MCM3AP: variants seen among roughly 807,000 people sequenced by gnomAD.
MCM3AP encodes minichromosome maintenance complex component 3 associated protein.
Under a neutral mutation model 184.1 loss-of-function variants are expected in MCM3AP, and 126 were observed. That is an observed-to-expected ratio of 0.68 (90% confidence interval 0.59 to 0.79). MCM3AP has a LOEUF of 0.79. Ranked by LOEUF, MCM3AP falls within the 30% of genes least tolerant of loss-of-function variation. The pLI, the probability that MCM3AP is intolerant of heterozygous loss-of-function variation, is 0.00. For missense variants in MCM3AP, 2,496 were observed against 2,479.2 expected, an observed-to-expected ratio of 1.01 and a Z score of -0.14; for synonymous variants, 1,002 against 979.3, an observed-to-expected ratio of 1.02 and a Z score of -0.43.
intron 25 of MCM3AP, chr21:46,241,886 G>T (rs1302454070): frequency 6.6e-6 from 1 of 152,190 alleles, no homozygotes; most frequent in Non-Finnish European, 1.5e-5. Flanking sequence ...TTATGAAGAT[G>T]AACAGTTTTT....
At chr21:46,243,744 A>G (rs747908665) in intron 23 of MCM3AP, 22 bp from the exon 24 acceptor site, 1 of 1,611,208 alleles carries the variant, frequency 6.2e-7, no homozygotes, top group Non-Finnish European at 8.5e-7. Context: ...GTGCCTCATT[A>G]GTTACAGGTT....
chr21:46,260,209 G>A (rs890462137), intron 15 of MCM3AP, among the ~76,000 whole-genome samples: 1 of 152,210 alleles, frequency 6.6e-6, no homozygotes, highest in African/African-American at 2.4e-5. Context: ...GGAACAGGGT[G>A]CCAAATTATA....
rs1376693902 is a variant in MCM3AP, at chr21:46,266,007, G to A, written c.2949C>T (p.Phe983=). ...PVPRHTPVCS[F]NSQNKYIGES... is the part of the protein sequence containing the mutation. Reference sequence around the variant, plus strand: ...CCCCGATGTACTTGTTCTGGGAGTTGAAGCTGCACACAGGGGTATGACGAG... The same window carrying A: ...CCCCGATGTACTTGTTCTGGGAGTTAAAGCTGCACACAGGGGTATGACGAG... The change falls in exon 11 of 28, where the codon TTC becomes TTT. Residue 983 remains phenylalanine, a synonymous_variant. Coordinates refer to ENST00000291688, the MANE Select transcript of MCM3AP (RefSeq NM_003906.5). 4 of 1,609,490 alleles carry A rather than the reference G, an allele frequency of 2.5e-6. No individual in the cohort carries two copies. The South Asian group carries it at 4.5e-5, about 18-fold the overall frequency.
intron 26 of MCM3AP, among the ~76,000 whole-genome samples, chr21:46,239,854 G>A (rs959165103): frequency 3.3e-5 from 5 of 152,038 alleles, no homozygotes; most frequent in South Asian, 2.1e-4. Context: ...GGGGGACCAC[G>A]GACATCCTAG....
At chr21:46,249,908 G>T in intron 20 of MCM3AP, 1 of 182,614 alleles carries the variant, frequency 5.5e-6, no homozygotes, top group Non-Finnish European at 1.2e-5. Flanking sequence ...GAGACGCTAG[G>T]GAACTTGCCC....
At chr21:46,270,347 G>A in intron 9 of MCM3AP, 54 bp downstream of exon 9, 3 of 1,534,346 alleles carry the variant, frequency 2.0e-6, no homozygotes, top group Non-Finnish European at 8.9e-7. Flanking sequence ...CACCCAAACA[G>A]CACAAGAACC....
chr21:46,260,218 T>C (rs1020949870), intron 15 of MCM3AP, among the ~76,000 whole-genome samples: 2 of 152,238 alleles, frequency 1.3e-5, no homozygotes, highest in African/African-American at 4.8e-5. Context: ...TGCCAAATTA[T>C]AGGTCCATAG....
At chr21:46,267,203 C>G in intron 9 of MCM3AP, 61 bp from the exon 10 acceptor site, 1 of 1,518,418 alleles carries the variant, frequency 6.6e-7, no homozygotes, top group Non-Finnish European at 9.0e-7. Flanking sequence ...CACATGCAGT[C>G]AGCCCATGAC....
intron 16 of MCM3AP, among the ~76,000 whole-genome samples, chr21:46,257,793 C>T (rs1235638616): frequency 1.3e-5 from 2 of 151,806 alleles, no homozygotes; most frequent in African/African-American, 4.8e-5. Context: ...AGCATGGTGG[C>T]GCACGCCTGT....
At chr21:46,269,084 T>C (rs1224727536) in intron 9 of MCM3AP, among the ~76,000 whole-genome samples, 1 of 152,194 alleles carries the variant, frequency 6.6e-6, no homozygotes, top group Non-Finnish European at 1.5e-5. Flanking sequence ...AACATTCTAC[T>C]AACGCTCAAT....
intron 26 of MCM3AP, 75 bp downstream of exon 26, chr21:46,240,736 T>G: frequency 7.5e-7 from 1 of 1,330,118 alleles, no homozygotes; most frequent in East Asian, 2.3e-5. Context: ...CTTATATTAA[T>G]CAAGCAATAA....
intron 11 of MCM3AP, 68 bp downstream of exon 11, chr21:46,265,857 G>C (rs1262660225): frequency 1.3e-6 from 2 of 1,494,932 alleles, no homozygotes; most frequent in Non-Finnish European, 1.8e-6. Flanking sequence ...CAGATGCCCA[G>C]GCTCCTGGGA....
chr21:46,259,017 A>C lies in MCM3AP; in HGVS notation c.3656T>G (p.Leu1219Trp), dbSNP rs1352419007. 1.2e-6 allele frequency: 2 copies of C among 1,614,002 alleles called. No individual in the cohort carries two copies. The highest frequency in any genetic ancestry group is 1.7e-6 in the Non-Finnish European group (2 of 1,180,000). The change falls in exon 16 of 28, where the codon TTG (leucine) becomes TGG (tryptophan). Residue 1219 changes from leucine to tryptophan, a missense_variant. Around this residue, in one of 5 missense-constraint regions of MCM3AP, gnomAD observed 1,323 missense variants for 1,273.4 expected, o/e 1.04. Transcript: ENST00000291688. ...CTGGAAGATTTCCTCCACGAGAAAC[A>C]AGTCCACTAAGTGGGCACAGACATC... ...CEDVCAHLVD[L>W]FLVEEIFQTA...
In MCM3AP at chr21:46,267,390, T is replaced by G. The variant is rs773743891; in HGVS notation, c.2629-248A>C. The G allele has an allele frequency of 1.1e-5, 5 of 473,848 alleles. No individual in the cohort carries two copies. The East Asian group carries it at 1.8e-4, about 17-fold the overall frequency. 29.4% of individuals were successfully genotyped at this position (473,848 alleles called of 1,614,324 possible). On this transcript the variant is annotated intron_variant, in intron 9 of 27. Coordinates refer to ENST00000291688, the MANE Select transcript of MCM3AP (RefSeq NM_003906.5). ...AGAAGGATGGCTTGTGAAGGTTTTATTCATAAGAGAAATCATGAAACAAAC... is the reference window on the plus strand; with the variant it reads ...AGAAGGATGGCTTGTGAAGGTTTTAGTCATAAGAGAAATCATGAAACAAAC...
intron 5 of MCM3AP, among the ~76,000 whole-genome samples, chr21:46,276,177 G>A (rs1014707565): frequency 1.3e-4 from 19 of 151,848 alleles, no homozygotes; most frequent in African/African-American, 4.6e-4. Flanking sequence ...ACTTGAACCC[G>A]GGAGGCGGAC....
At chr21:46,248,735 A>G (rs1234461421) in intron 20 of MCM3AP, among the ~76,000 whole-genome samples, 1 of 152,208 alleles carries the variant, frequency 6.6e-6, no homozygotes, top group Non-Finnish European at 1.5e-5. Flanking sequence ...GCTATGAAAA[A>G]GTCATGATAA....
At chr21:46,258,819 T>C (rs982840623) in intron 16 of MCM3AP, 120 bp downstream of exon 16, 3 of 1,080,290 alleles carry the variant, frequency 2.8e-6, no homozygotes, top group Admixed American at 1.9e-5. Flanking sequence ...TTCATTGCTA[T>C]AACATTTTCC....
chr21:46,249,301 C>G (rs145959755), intron 20 of MCM3AP, among the ~76,000 whole-genome samples: 3 of 152,282 alleles, frequency 2.0e-5, no homozygotes, highest in African/African-American at 4.8e-5. Context: ...AATCTTCCCA[C>G]CTCAGCTTCC....
In MCM3AP at chr21:46,269,037, CTAAATAAA is replaced by C. The variant is rs369126964; in HGVS notation, c.2628+1356_2628+1363del. Among the ~76,000 whole-genome samples, 1,116 of 152,240 alleles carry C rather than the reference CTAAATAAA, an allele frequency of 7.3e-3. 5 individuals are homozygous for C. The highest frequency in any genetic ancestry group is 0.013 in the Non-Finnish European group (884 of 68,016). On this transcript the variant is annotated intron_variant, in intron 9 of 27. Transcript: ENST00000291688. ...TGGGCAACAGAGCGAGACTCCATCT[CTAAATAAA>C]TAAATAAATAAAGTTATTAAAAATG...
Sources: allele counts gnomAD v4.1 joint callset (sites outside exome capture counted in the v4.1 genomes callset), GRCh38; gene constraint gnomAD v4.1.1; regional missense constraint gnomAD v4.1.1; transcripts MANE v1.5; gene names NCBI Gene and HGNC (gene_info 2026-07-23, HGNC 2026-07-21).